PCDH15: variants seen among roughly 807,000 people sequenced by gnomAD.
PCDH15 encodes the protein protocadherin-15.
PCDH15 carries 129 observed loss-of-function variants against 178.5 expected under a neutral mutation model. The ratio of observed to expected loss-of-function variants is 0.72; its 90% CI spans 0.63 to 0.84. PCDH15 has a LOEUF of 0.84. Among genes scored for constraint, PCDH15 ranks in the 40% least tolerant of loss-of-function variants. The pLI, the probability that PCDH15 is intolerant of heterozygous loss-of-function variation, is 0.00. For missense variants in PCDH15, 2,230 were observed against 2,099.9 expected (o/e 1.06, Z -1.21); for synonymous variants, 800 against 732.0 (o/e 1.09, Z -1.50).
At chr10:54,038,650 A>C (rs2135492020) in intron 18 of PCDH15, among the ~76,000 whole-genome samples, 1 of 151,962 alleles carries the variant, frequency 6.6e-6, no homozygotes, top group South Asian at 2.1e-4. Flanking sequence ...TCATCTCTGA[A>C]GTGGCTAGCA....
intron 21 of PCDH15, among the ~76,000 whole-genome samples, chr10:53,988,083 C>T (rs371541334): frequency 6.6e-6 from 1 of 152,186 alleles, no homozygotes; most frequent in Non-Finnish European, 1.5e-5. Flanking sequence ...CCATCCCAGG[C>T]TCTTTAAATG....
chr10:54,936,794 C>T (rs1345399589), intron 2 of PCDH15, among the ~76,000 whole-genome samples: 2 of 148,136 alleles, frequency 1.4e-5, no homozygotes, highest in African/African-American at 5.0e-5. Context: ...GTATAATTTT[C>T]TGTTGATTGC....
intron 9 of PCDH15, among the ~76,000 whole-genome samples, chr10:54,227,181 C>T (rs2053549039): frequency 6.6e-6 from 1 of 152,210 alleles, no homozygotes; most frequent in Non-Finnish European, 1.5e-5. Context: ...TTCCCTCCTG[C>T]ACTGCACTAG....
chr10:54,332,337 T>TATATAATATAATATAATCTA, intron 6 of PCDH15, among the ~76,000 whole-genome samples: 1 of 68,640 alleles, frequency 1.5e-5, no homozygotes, highest in Non-Finnish European at 4.1e-5. Context: ...ATATTATATA[T>TATATAATATAATATAATCTA]TATTATATAT....
chr10:54,997,898 G>A (rs967258667), intron 2 of PCDH15, among the ~76,000 whole-genome samples: 1 of 151,956 alleles, frequency 6.6e-6, no homozygotes, highest in Non-Finnish European at 1.5e-5. Context: ...TTGATGTCTG[G>A]GTCATTTCCA....
At chr10:54,892,800 C>T (rs1017328136) in intron 3 of PCDH15, among the ~76,000 whole-genome samples, 105 of 149,944 alleles carry the variant, frequency 7.0e-4, no homozygotes, top group African/African-American at 2.4e-3. Flanking sequence ...GATCTTGGCT[C>T]ACTGCAGCCT....
rs1389029956 is a variant in PCDH15 at position 54,923,401 on chromosome 10, A to C, written c.-79-25901T>G. On this transcript the variant is annotated intron_variant, in intron 2 of 5. Transcript: ENST00000458638. ...CTTTTGGCTCCACTTTGTTTATGCA[A>C]ATTTATGCAGCAGGCTTGAATTTCT... Among the ~76,000 whole-genome samples, 3 of 138,856 alleles carry C rather than the reference A, an allele frequency of 2.2e-5. 1 individual carries two copies. Among genetic ancestry groups the C allele is most frequent in the Non-Finnish European group, 3.4e-5 (2 of 59,580 alleles). 91.1% of individuals were successfully genotyped at this position (138,856 alleles called of 152,430 possible).
chr10:54,626,348 C>T (rs918371555), intron 2 of PCDH15, among the ~76,000 whole-genome samples: 1 of 152,178 alleles, frequency 6.6e-6, no homozygotes, highest in Non-Finnish European at 1.5e-5. Context: ...ACAGCAGGCC[C>T]TTATACCACA....
chr10:54,604,895 T>C (rs1261411850), intron 2 of PCDH15, among the ~76,000 whole-genome samples: 1 of 151,758 alleles, frequency 6.6e-6, no homozygotes, highest in African/African-American at 2.4e-5. Flanking sequence ...CTTTTATAAC[T>C]AGTTTTTTAA....
At chr10:55,406,286 C>T (rs1207285783) in intron 2 of PCDH15, among the ~76,000 whole-genome samples, 3 of 151,998 alleles carry the variant, frequency 2.0e-5, no homozygotes, top group Admixed American at 2.0e-4. Context: ...AGTGAACACC[C>T]ACTTGTATAA....
At chr10:55,165,134 T>C (rs1232556438) in intron 2 of PCDH15, among the ~76,000 whole-genome samples, 2 of 152,064 alleles carry the variant, frequency 1.3e-5, no homozygotes, top group Admixed American at 1.3e-4. Context: ...ATAGCAAGAA[T>C]CTTGGGGACA....
intron 2 of PCDH15, among the ~76,000 whole-genome samples, chr10:54,904,247 T>A (rs142938398): frequency 2.6e-4 from 39 of 152,250 alleles, no homozygotes; most frequent in African/African-American, 9.1e-4. Flanking sequence ...TATTTTCTTC[T>A]TATTACTATA....
At chr10:55,528,383 C>T (rs1436762893) in intron 2 of PCDH15, among the ~76,000 whole-genome samples, 1 of 151,972 alleles carries the variant, frequency 6.6e-6, no homozygotes. Flanking sequence ...CCCCTCTCCA[C>T]ACCCCAAAAC....
At chr10:55,265,082 C>T (rs1219344) in intron 1 of PCDH15, among the ~76,000 whole-genome samples, 149,925 of 152,014 alleles carry the variant, frequency 0.99, 73,966 homozygotes, top group Middle Eastern at 1. Context: ...CTTCCCTATC[C>T]ACTTTCAGCT....
At chr10:55,373,951 G>A (rs748572520) in intron 2 of PCDH15, among the ~76,000 whole-genome samples, 3 of 151,496 alleles carry the variant, frequency 2.0e-5, no homozygotes, top group Non-Finnish European at 4.4e-5. Flanking sequence ...TGGGGTGGGG[G>A]GCTGGGGGAG....
At chr10:54,307,937 T>C (rs1359837036) in intron 8 of PCDH15, among the ~76,000 whole-genome samples, 1 of 152,016 alleles carries the variant, frequency 6.6e-6, no homozygotes, top group African/African-American at 2.4e-5. Context: ...ATAGCAAATA[T>C]TGTTAAACTC....
intron 1 of PCDH15, among the ~76,000 whole-genome samples, chr10:54,740,792 C>A (rs778635818): frequency 6.6e-6 from 1 of 151,914 alleles, no homozygotes; most frequent in Non-Finnish European, 1.5e-5. Context: ...ATCCCATGTT[C>A]TCACTAATAT....
At chr10:54,512,795 TTCTG>T (rs1372029622) in intron 3 of PCDH15, among the ~76,000 whole-genome samples, 1 of 152,174 alleles carries the variant, frequency 6.6e-6, no homozygotes, top group African/African-American at 2.4e-5. Flanking sequence ...AAATATTATA[TTCTG>T]TCTAATTATA....
intron 1 of PCDH15, among the ~76,000 whole-genome samples, chr10:54,707,669 C>T (rs1466595268): frequency 6.6e-6 from 1 of 152,178 alleles, no homozygotes; most frequent in African/African-American, 2.4e-5. Context: ...AGTACCAAAA[C>T]TGTTTTGGGA....
Sources: gnomAD v4.1 joint callset for allele counts (sites outside exome capture counted in the v4.1 genomes callset) on GRCh38, gnomAD v4.1.1 for gene constraint, MANE v1.5 for transcripts, NCBI Gene and HGNC (gene_info 2026-07-23, HGNC 2026-07-21) for gene names.